RERE: variants seen among roughly 807,000 people sequenced by gnomAD.
RERE encodes arginine-glutamic acid dipeptide repeats protein.
In RERE, 40 loss-of-function variants were observed where a neutral mutation model predicts 146.1. The observed-to-expected ratio is 0.27, with a 90% CI of 0.21 to 0.36. RERE has a LOEUF of 0.36. Ranked by LOEUF, RERE falls within the 10% of genes least tolerant of loss-of-function variation. RERE has a pLI of 1.00. For synonymous variants in RERE, 1,003 were observed against 866.0 expected (o/e 1.16, Z -2.78); for missense variants, 1,933 against 2,138.7 (o/e 0.90, Z 1.90).
At chr1:8,513,461 A>G (rs199743174) in intron 7 of RERE, among the ~76,000 whole-genome samples, 1 of 152,236 alleles carries the variant, frequency 6.6e-6, no homozygotes, top group East Asian at 1.9e-4. Context: ...AGCCTAACAC[A>G]GTGATGTAAC....
intron 1 of RERE, among the ~76,000 whole-genome samples, chr1:8,712,300 A>C (rs934388635): frequency 1.3e-5 from 2 of 152,242 alleles, no homozygotes; most frequent in Admixed American, 6.5e-5. Context: ...CTAAAAGAGC[A>C]AATACTTGGG....
intron 1 of RERE, among the ~76,000 whole-genome samples, chr1:8,675,738 TATAC>T (rs59265268): frequency 0.041 from 6,020 of 147,844 alleles, 150 homozygotes; most frequent in Non-Finnish European, 0.056. Flanking sequence ...TACATACATA[TATAC>T]ATACATACAT....
At chr1:8,796,734 A>C (rs1244918304) in intron 1 of RERE, 1 of 152,186 alleles carries the variant, frequency 6.6e-6, no homozygotes, top group Non-Finnish European at 1.5e-5. Flanking sequence ...CAGAAGAGGC[A>C]TAAAACTATA....
intron 10 of RERE, among the ~76,000 whole-genome samples, chr1:8,468,928 GA>G (rs1057469811): frequency 6.6e-6 from 1 of 151,586 alleles, no homozygotes; most frequent in Non-Finnish European, 1.5e-5. Flanking sequence ...AAGAAAAAAA[GA>G]AAAAAGGGTA....
chr1:8,575,557 A>T (rs1440531212), intron 4 of RERE, among the ~76,000 whole-genome samples: 3,067 of 56,978 alleles, frequency 0.054, 143 homozygotes, highest in African/African-American at 0.2. Context: ...ATATATATAT[A>T]TATATTTTTT....
chr1:8,503,312 A>G (rs1402864443), intron 8 of RERE, among the ~76,000 whole-genome samples: 3 of 152,156 alleles, frequency 2.0e-5, no homozygotes, highest in African/African-American at 7.2e-5. Flanking sequence ...TGTGGAGGGG[A>G]ATGTGGCAAA....
At chr1:8,408,787 T>A (rs184671133) in intron 12 of RERE, among the ~76,000 whole-genome samples, 1 of 152,126 alleles carries the variant, frequency 6.6e-6, no homozygotes, top group Non-Finnish European at 1.5e-5. Flanking sequence ...AAAGGTTATG[T>A]GTGCTATAAA....
At chr1:8,661,485 A>G (rs1407389670) in intron 1 of RERE, among the ~76,000 whole-genome samples, 2 of 152,148 alleles carry the variant, frequency 1.3e-5, no homozygotes, top group Non-Finnish European at 2.9e-5. Flanking sequence ...TGTTTACCGG[A>G]GATCACTCTG....
chr1:8,747,462 C>G (rs1024764245), intron 1 of RERE, among the ~76,000 whole-genome samples: 1 of 151,822 alleles, frequency 6.6e-6, no homozygotes, highest in African/African-American at 2.4e-5. Flanking sequence ...AAAGTTTTGT[C>G]CAATTTTTTT....
intron 4 of RERE, among the ~76,000 whole-genome samples, chr1:8,599,770 C>T (rs569178753): frequency 6.6e-6 from 1 of 152,198 alleles, no homozygotes; most frequent in African/African-American, 2.4e-5. Context: ...CAGAAGGAGA[C>T]AGTCTTATCT....
At chr1:8,539,095 C>G (rs947675821) in intron 7 of RERE, among the ~76,000 whole-genome samples, 3 of 152,272 alleles carry the variant, frequency 2.0e-5, no homozygotes, top group African/African-American at 7.2e-5. Context: ...ACAAAAGCTA[C>G]TTTAGTTAAT....
intron 11 of RERE, among the ~76,000 whole-genome samples, chr1:8,430,980 C>T (rs569913542): frequency 2.0e-5 from 3 of 152,188 alleles, no homozygotes; most frequent in African/African-American, 7.2e-5. Context: ...TCCGTAGATG[C>T]CATAGGGTGA....
chr1:8,407,649 C>T (rs1212618144), intron 12 of RERE, among the ~76,000 whole-genome samples: 1 of 152,100 alleles, frequency 6.6e-6, no homozygotes, highest in East Asian at 1.9e-4. Context: ...TCAGTTTCTC[C>T]ACCTGTGCAT....
intron 1 of RERE, among the ~76,000 whole-genome samples, chr1:8,762,887 G>A (rs1247566182): frequency 6.6e-6 from 1 of 152,066 alleles, no homozygotes; most frequent in Non-Finnish European, 1.5e-5. Flanking sequence ...AGAATGACCT[G>A]GGACCATGGA....
rs147774468 is a variant in RERE, at chr1:8,494,970, G to A, written c.1104+93C>T. ...ACAACTCACTCCTGAGTCTACAGGC[G>A]ACTTCATGCTCCGCACTCATCACAC... On this transcript the variant is annotated intron_variant, in intron 10 of 22. Transcript: ENST00000400908. 1,069 of 910,406 alleles carry A rather than the reference G, an allele frequency of 1.2e-3. 3 individuals carry two copies. Among genetic ancestry groups the A allele is most frequent in the Admixed American group, 3.1e-3 (175 of 57,334 alleles). The allele number at this position is 910,406 out of a possible 1,614,324, so 56.4% of individuals were successfully genotyped here. A position where few individuals can be genotyped will look rare whatever the true frequency, so the allele number is the denominator to read the frequency against.
chr1:8,466,013 C>T lies in RERE; in HGVS notation c.1115G>A (p.Ser372Asn), dbSNP rs1226625161. The stretch of plus-strand genomic sequence containing the variant: ...CAGGGCTTTGCCAGCATCGTAACCG[C>T]TTTCATGCAGCTAAAACAACAACAA... ...TLNALNTLHE[S>N]GYDAGKALQR... Residue 372 changes from serine (S) to asparagine (N), a missense_variant, in exon 11 of 23, where the codon AGC (serine) becomes AAC (asparagine). By Grantham distance (46) the Ser-to-Asn change is conservative. Around this residue, in one of 11 missense-constraint regions of RERE, gnomAD observed 260 missense variants for 378.4 expected, o/e 0.69. Transcript: ENST00000400908. 6.2e-7 allele frequency: 1 copy of T among 1,608,772 alleles called. No individual in the cohort carries two copies. Among genetic ancestry groups the T allele is most frequent in the Non-Finnish European group, 8.5e-7 (1 of 1,175,766 alleles).
At chr1:8,393,671 A>C (rs1642960467) in intron 12 of RERE, among the ~76,000 whole-genome samples, 1 of 152,198 alleles carries the variant, frequency 6.6e-6, no homozygotes, top group Non-Finnish European at 1.5e-5. Flanking sequence ...ATTATTTGAA[A>C]AGCATAGGTA....
At chr1:8,481,860 C>CT (rs1181298506) in intron 10 of RERE, among the ~76,000 whole-genome samples, 1 of 152,192 alleles carries the variant, frequency 6.6e-6, no homozygotes, top group Non-Finnish European at 1.5e-5. Flanking sequence ...TTCTTATAAG[C>CT]TGAGACTGCA....
intron 10 of RERE, among the ~76,000 whole-genome samples, chr1:8,468,368 A>G (rs1260195722): frequency 6.6e-6 from 1 of 152,214 alleles, no homozygotes; most frequent in Non-Finnish European, 1.5e-5. Flanking sequence ...GAACAAGCAG[A>G]CATTTGTCAA....
Sources: gnomAD v4.1 joint callset for allele counts (sites outside exome capture counted in the v4.1 genomes callset) on GRCh38, gnomAD v4.1.1 for gene constraint, gnomAD v4.1.1 regional missense constraint, MANE v1.5 for transcripts, NCBI Gene and HGNC (gene_info 2026-07-23, HGNC 2026-07-21) for gene names.